Variants in ADAM15 observed in about 807,000 individuals in gnomAD.
The protein encoded by ADAM15 is disintegrin and metalloproteinase domain-containing protein 15.
In ADAM15, 77 loss-of-function variants were observed where a neutral mutation model predicts 113.8. The observed-to-expected ratio is 0.68, with a 90% CI of 0.56 to 0.82. ADAM15 has a LOEUF of 0.82. Among genes scored for constraint, ADAM15 ranks in the 40% least tolerant of loss-of-function variants. ADAM15 has a pLI of 0.00. For synonymous variants in ADAM15, 388 were observed against 454.1 expected, an observed-to-expected ratio of 0.85 and a Z score of 1.85; for missense variants, 963 against 1,120.1, an observed-to-expected ratio of 0.86 and a Z score of 2.00.
chr1:155,054,861 C>T (rs1283669558), intron 6 of ADAM15, among the ~76,000 whole-genome samples: 1 of 151,924 alleles, frequency 6.6e-6, no homozygotes, highest in Non-Finnish European at 1.5e-5. Flanking sequence ...AAGAGTGAGA[C>T]CTCGTCTCAA....
rs1030587731 is a variant in ADAM15, at chr1:155,062,673, G to C, written c.*171G>C. The C allele has an allele frequency of 2.2e-5, 21 of 946,968 alleles. No homozygotes were observed. Among genetic ancestry groups the C allele is most frequent in the Non-Finnish European group, 2.9e-5 (19 of 646,424 alleles). The allele number at this position is 946,968 out of a possible 1,614,324, so 58.7% of individuals were successfully genotyped here. ...ACTCTGCGGACCTGCCGGCGTAGTTGCAGCGGGGGCTTGGGGAGGGGCTGG... is the reference window on the plus strand; with the variant it reads ...ACTCTGCGGACCTGCCGGCGTAGTTCCAGCGGGGGCTTGGGGAGGGGCTGG... On this transcript the variant is annotated 3_prime_UTR_variant, in exon 23 of 23. Coordinates refer to ENST00000356955, the MANE Select transcript of ADAM15 (RefSeq NM_207197.3). This position sits in a 1 kb window ranked among gnomAD's most constrained non-coding sequence, Gnocchi z 7.0.
At position 155,057,489 on chromosome 1, in the gene ADAM15, G is replaced by T. The variant is rs1661928437; in HGVS notation, c.1323+127G>T. The T allele has an allele frequency of 4.0e-6, 6 of 1,492,608 alleles. No homozygotes were observed. The highest frequency in any genetic ancestry group is 5.5e-6 in the Non-Finnish European group (6 of 1,090,332). 92.5% of individuals were successfully genotyped at this position (1,492,608 alleles called of 1,614,324 possible). On this transcript the variant is annotated intron_variant, in intron 12 of 22. Coordinates refer to ENST00000356955, the MANE Select transcript of ADAM15 (RefSeq NM_207197.3). This position sits in a 1 kb window ranked among gnomAD's most constrained non-coding sequence, Gnocchi z 5.0. ...TTTCCACCCCTCTCCTACTTGCCCT[G>T]TCTGTGGGGACAGCACATGGGTTGT...
Position 155,057,711 on chromosome 1 carries a change from C to A in ADAM15, c.1398C>A (p.Pro466=), listed in dbSNP as rs1661974970. The A allele has an allele frequency of 1.2e-6, 2 of 1,614,086 alleles. No individual in the cohort carries two copies. The highest frequency in any genetic ancestry group is 2.2e-5 in the East Asian group (1 of 44,892). ...GTGCACAGTGTGCATCTGACGGACC[C>A]TGTTGTCAAAATTGCCAGGTGGGTA... ...RPGAQCASDG[P]CCQNCQLRPS... Residue 466 remains proline, a synonymous_variant, in exon 13 of 23, where the codon CCC becomes CCA. Coordinates refer to ENST00000356955, the MANE Select transcript of ADAM15 (RefSeq NM_207197.3). The surrounding 1 kb of genome is among the most constrained non-coding windows in gnomAD (Gnocchi z 5.0).
Position 155,058,865 on chromosome 1 carries a change from C to G in ADAM15, c.1995+78C>G. 2 of 1,479,938 alleles carry G rather than the reference C, an allele frequency of 1.4e-6. No homozygotes were observed. Among genetic ancestry groups the G allele is most frequent in the Non-Finnish European group, 1.8e-6 (2 of 1,110,600 alleles). The allele number at this position is 1,479,938 out of a possible 1,614,324, so 91.7% of individuals were successfully genotyped here. On this transcript the variant is annotated intron_variant, in intron 16 of 22. Coordinates refer to ENST00000356955, the MANE Select transcript of ADAM15 (RefSeq NM_207197.3). The surrounding 1 kb of genome is among the most constrained non-coding windows in gnomAD (Gnocchi z 4.3). The stretch of plus-strand genomic sequence containing the variant: ...AAGGATACTGGGCTTTGGAAATAGA[C>G]ATATCTGGGTTTTAATCCTTGCTCT...
chr1:155,055,529 T>C lies in ADAM15; in HGVS notation c.613-261T>C, dbSNP rs183141525. ...GCGTGAGCCACCGCACCCAGCTAAA[T>C]TACTGTTTTTTAAAAATTTGAAAAA... On this transcript the variant is annotated intron_variant, in intron 6 of 22. Transcript: ENST00000356955. The C allele has an allele frequency of 3.0e-4, 151 of 508,132 alleles. No homozygotes were observed. In the East Asian group the frequency reaches 5.3e-3, roughly 18 times the overall value. 31.5% of individuals were successfully genotyped at this position (508,132 alleles called of 1,614,324 possible). A position where few individuals can be genotyped will look rare whatever the true frequency, so the allele number is the denominator to read the frequency against.
chr1:155,058,518 A>G lies in ADAM15; in HGVS notation c.1917+77A>G, dbSNP rs1401263440. ...CAATGAACAGAGCCCAGACTTCACC[A>G]TTCACCAATGTCAAAGGCAGGGACT... On this transcript the variant is annotated intron_variant, in intron 15 of 22. Transcript: ENST00000356955. The surrounding 1 kb of genome is among the most constrained non-coding windows in gnomAD (Gnocchi z 4.3). 3 of 1,573,478 alleles carry G rather than the reference A, an allele frequency of 1.9e-6. No homozygotes were observed. Among genetic ancestry groups the G allele is most frequent in the South Asian group, 2.3e-5 (2 of 87,918 alleles).
Position 155,056,091 on chromosome 1 carries a change from C to T in ADAM15, c.756C>T (p.Pro252=). The T allele has an allele frequency of 1.2e-6, 2 of 1,613,520 alleles. No individual in the cohort carries two copies. The highest frequency in any genetic ancestry group is 1.6e-4 in the Middle Eastern group (1 of 6,062). Reference sequence around the variant, plus strand: ...CAGCTGTCTTTCAGTTCTTCCGGCCCCTGAATGTACGAGTGGCACTAGTGG... The same window carrying T: ...CAGCTGTCTTTCAGTTCTTCCGGCCTCTGAATGTACGAGTGGCACTAGTGG... ...VALLLDTFFR[P]LNVRVALVGL... Residue 252 remains proline (P), a synonymous_variant, in exon 9 of 23, where the codon CCC becomes CCT. Coordinates refer to ENST00000356955, the MANE Select transcript of ADAM15 (RefSeq NM_207197.3). The surrounding 1 kb of genome is among the most constrained non-coding windows in gnomAD (Gnocchi z 4.0).
chr1:155,051,517 G>T lies in ADAM15; in HGVS notation c.79+52G>T, dbSNP rs947291070. The T allele has an allele frequency of 2.0e-6, 3 of 1,464,834 alleles. No individual in the cohort carries two copies. The African/African-American group carries it at 4.5e-5, about 22-fold the overall frequency. The allele number at this position is 1,464,834 out of a possible 1,614,324, so 90.7% of individuals were successfully genotyped here. A position where few individuals can be genotyped will look rare whatever the true frequency, so the allele number is the denominator to read the frequency against. On this transcript the variant is annotated intron_variant, in intron 1 of 22. Coordinates refer to ENST00000356955, the MANE Select transcript of ADAM15 (RefSeq NM_207197.3). ...GGGGGCGGACTGGGAGGGAGGTGCA[G>T]GAAAGTCGGAAGGCATTAGGGTAAT... is the stretch of plus-strand genomic sequence containing the variant.
intron 19 of ADAM15, chr1:155,061,121 C>G (rs566810491): frequency 1.7e-6 from 1 of 579,280 alleles, no homozygotes; most frequent in South Asian, 2.1e-5. Flanking sequence ...CAGCAGTGAC[C>G]CCAGGAGGGC....
Position 155,056,401 on chromosome 1 carries a change from T to G in ADAM15, c.930T>G (p.Ser310=). 1 of 1,614,194 alleles carries G rather than the reference T, an allele frequency of 6.2e-7. No individual in the cohort carries two copies. Among genetic ancestry groups the G allele is most frequent in the Non-Finnish European group, 8.5e-7 (1 of 1,180,026 alleles). ...TGTCCCACAGTGGTACTTCATTCTC[T>G]GGGCCTACGGTGGGCATGGCCATTC... ...SAQLVTGTSF[S]GPTVGMAIQN... is the part of the protein sequence containing the mutation. Residue 310 remains serine (S), a synonymous_variant, in exon 10 of 23, where the codon TCT becomes TCG. Transcript: ENST00000356955. This position sits in a 1 kb window ranked among gnomAD's most constrained non-coding sequence, Gnocchi z 4.0.
chr1:155,054,653 C>A, intron 6 of ADAM15, 147 bp downstream of exon 6: 1 of 784,052 alleles, frequency 1.3e-6, no homozygotes, highest in Non-Finnish European at 1.9e-6. Context: ...AGCTCGTGTA[C>A]TCCTCCCATA....
At position 155,054,474 on chromosome 1, in the gene ADAM15, G is replaced by A. The variant is rs1364368908; in HGVS notation, c.580G>A (p.Glu194Lys). 6.3e-7 allele frequency: 1 copy of A among 1,596,014 alleles called. No individual in the cohort carries two copies. Among genetic ancestry groups the A allele is most frequent in the South Asian group, 1.1e-5 (1 of 89,118 alleles). ...RESVHTQKPP[E>K]HPLGQRHIRR... The stretch of plus-strand genomic sequence containing the variant: ...ATCTGTACACACTCAGAAGCCACCA[G>A]AGCACCCCCTGGGACAGCGCCACAT... Residue 194 changes from glutamate (E) to lysine (K), a missense_variant, in exon 6 of 23, where the codon GAG (glutamate) becomes AAG (lysine). Physicochemically the swap from Glu to Lys is moderately conservative, Grantham distance 56. Coordinates refer to ENST00000356955, the MANE Select transcript of ADAM15 (RefSeq NM_207197.3).
In ADAM15 at chr1:155,054,505, G is replaced by T. The variant is rs768649953; in HGVS notation, c.611G>T (p.Arg204Leu). 1 of 1,563,086 alleles carries T rather than the reference G, an allele frequency of 6.4e-7. No homozygotes were observed. The highest frequency in any genetic ancestry group is 1.9e-5 in the Admixed American group (1 of 52,032). ...CCCCTGGGACAGCGCCACATTCGCC[G>T]GGTGAGGATGAATGGCAGGGGGGTG... ...EHPLGQRHIR[R>L]RRDVVTETKT... The change falls in exon 6 of 23, where the codon CGG becomes CTG. Residue 204 changes from arginine (R) to leucine (L), a missense_variant and splice_region_variant. Physicochemically the swap from Arg to Leu is moderately radical, Grantham distance 102. Coordinates refer to ENST00000356955, the MANE Select transcript of ADAM15 (RefSeq NM_207197.3).
chr1:155,053,107 A>ACCCCCCCC (rs5777934), intron 2 of ADAM15, among the ~76,000 whole-genome samples: 39 of 102,340 alleles, frequency 3.8e-4, no homozygotes, highest in Non-Finnish European at 5.2e-4. Flanking sequence ...ACCTTACCAA[A>ACCCCCCCC]CCCCCCCCCC....
chr1:155,053,509 G>A lies in ADAM15; in HGVS notation c.263+16G>A, dbSNP rs1020606972. On this transcript the variant is annotated intron_variant, in intron 3 of 22. Transcript: ENST00000356955. ...TACAGAATAGGTAATAGTGATGGTG[G>A]CAATAACAGTGACCACATGGCCAAC... 28 of 1,613,610 alleles carry A rather than the reference G, an allele frequency of 1.7e-5. No homozygotes were observed. Among genetic ancestry groups the A allele is most frequent in the Non-Finnish European group, 2.4e-5 (28 of 1,179,702 alleles).
In ADAM15 at chr1:155,054,189, G is replaced by C. The variant is rs780522674; in HGVS notation, c.382G>C (p.Gly128Arg). 21 of 1,610,572 alleles carry C rather than the reference G, an allele frequency of 1.3e-5. No individual in the cohort carries two copies. Among genetic ancestry groups the C allele is most frequent in the Admixed American group, 6.8e-5 (4 of 58,656 alleles). The change falls in exon 5 of 23, where the codon GGC (glycine) becomes CGC (arginine). Residue 128 changes from glycine to arginine, a missense_variant. By Grantham distance (125) the Gly-to-Arg change is moderately radical (BLOSUM62 -2). Coordinates refer to ENST00000356955, the MANE Select transcript of ADAM15 (RefSeq NM_207197.3). ...CCAGGGAAGAGTGCGGGGATATGCA[G>C]GCTCCTGGGTGTCCATCTGCACCTG... ...CYQGRVRGYAGSWVSICTCSG... is the reference protein window; with the variant it reads ...CYQGRVRGYARSWVSICTCSG...
Position 155,057,609 on chromosome 1 carries a change from T to C in ADAM15, c.1324-28T>C. On this transcript the variant is annotated intron_variant, in intron 12 of 22. Transcript: ENST00000356955. This position sits in a 1 kb window ranked among gnomAD's most constrained non-coding sequence, Gnocchi z 5.0. ...GGCTCACAGGCCCCACCTGCTCTGA[T>C]GCCCGGCCCCCGTGCTCCTGCCCAC... 1.2e-6 allele frequency: 2 copies of C among 1,612,656 alleles called. No individual in the cohort carries two copies.
intron 2 of ADAM15, 118 bp downstream of exon 2, chr1:155,052,895 C>G: frequency 1.5e-6 from 2 of 1,356,678 alleles, no homozygotes; most frequent in East Asian, 2.5e-5. Context: ...TGTAGTGGGT[C>G]TATCCCAGGC....
In ADAM15 at chr1:155,061,919, C is replaced by G. The variant is rs905878944; in HGVS notation, c.2368C>G (p.Arg790Gly). Reference protein sequence around the residue: ...SKRLQAELADRPNPPTRPLPA... With the variant: ...SKRLQAELADGPNPPTRPLPA... ...CTCTGTTCAGGCTGAGCTGGCTGAC[C>G]GACCCAATCCCCCTACCCGCCCTCT... The change falls in exon 21 of 23, where the codon CGA becomes GGA. Residue 790 changes from arginine (R) to glycine (G), a missense_variant. Physicochemically the swap from Arg to Gly is moderately radical, Grantham distance 125. Coordinates refer to ENST00000356955, the MANE Select transcript of ADAM15 (RefSeq NM_207197.3). 2 of 1,545,686 alleles carry G rather than the reference C, an allele frequency of 1.3e-6. No homozygotes were observed. Among genetic ancestry groups the G allele is most frequent in the African/African-American group, 2.8e-5 (2 of 72,266 alleles).
Sources: allele counts gnomAD v4.1 joint callset (sites outside exome capture counted in the v4.1 genomes callset), GRCh38; gene constraint gnomAD v4.1.1; non-coding constraint Gnocchi (gnomAD v3.1); transcripts MANE v1.5; gene names NCBI Gene and HGNC (gene_info 2026-07-23, HGNC 2026-07-21).